ME3: variants seen among roughly 807,000 people sequenced by gnomAD.
ME3 encodes malic enzyme 3, also known as NADP-dependent malic enzyme, mitochondrial.
Under a neutral mutation model 68.9 loss-of-function variants are expected in ME3, and 48 were observed. The ratio of observed to expected loss-of-function variants is 0.70; its 90% confidence interval spans 0.55 to 0.89. ME3 has a LOEUF of 0.89. Among genes scored for constraint, ME3 ranks in the 40% least tolerant of loss-of-function variants. The probability of loss-of-function intolerance (pLI) is 0.00; values close to 1 mark genes in which losing one functional copy is unlikely to be tolerated. For missense variants in ME3, 675 were observed against 797.4 expected (o/e 0.85, Z 1.85); for synonymous variants, 320 against 318.8 (o/e 1.00, Z -0.04).
intron 5 of ME3, among the ~76,000 whole-genome samples, chr11:86,500,633 TTTAA>T (rs1356011111): frequency 6.6e-6 from 1 of 152,288 alleles, no homozygotes; most frequent in East Asian, 2.0e-4. Flanking sequence ...TACTTAACTC[TTTAA>T]TTATCTGAAT....
intron 2 of ME3, among the ~76,000 whole-genome samples, chr11:86,576,161 TG>T (rs1958097394): frequency 6.6e-6 from 1 of 152,230 alleles, no homozygotes; most frequent in Non-Finnish European, 1.5e-5. Flanking sequence ...CATCGTTATT[TG>T]TTCCTTAAAA....
intron 2 of ME3, among the ~76,000 whole-genome samples, chr11:86,594,046 A>G (rs1402248500): frequency 6.8e-6 from 1 of 146,540 alleles, no homozygotes; most frequent in Non-Finnish European, 1.5e-5. Context: ...ACTGGATACC[A>G]TTATAAACTG....
rs148488689 is a variant in ME3 at position 86,494,926 on chromosome 11, A to G, written c.705+3037T>C. Among the ~76,000 whole-genome samples, 827 of 152,350 alleles carry G rather than the reference A, an allele frequency of 5.4e-3. 6 individuals are homozygous for G. Among genetic ancestry groups the G allele is most frequent in the Middle Eastern group, 0.014 (4 of 294 alleles). ...TTATGATTACACCTAGGTAATAACT[A>G]TCTTTATGTATAGGCATAGAAAAAT... is the stretch of plus-strand genomic sequence containing the variant. On this transcript the variant is annotated intron_variant, in intron 6 of 14. Transcript: ENST00000543262.
At chr11:86,509,217 C>G (rs3781806) in intron 4 of ME3, among the ~76,000 whole-genome samples, 15,374 of 151,712 alleles carry the variant, frequency 0.1, 810 homozygotes, top group Middle Eastern at 0.12. Flanking sequence ...GCCTCTTTTC[C>G]AGGTCCCTCC....
chr11:86,506,989 G>A (rs1953126012), intron 5 of ME3, among the ~76,000 whole-genome samples: 1 of 152,204 alleles, frequency 6.6e-6, no homozygotes, highest in Non-Finnish European at 1.5e-5. Context: ...GGAGGGAGAA[G>A]CACAAGGCAA....
At chr11:86,441,792 A>G (rs1949008493) in intron 14 of ME3, among the ~76,000 whole-genome samples, 1 of 152,180 alleles carries the variant, frequency 6.6e-6, no homozygotes, top group East Asian at 1.9e-4. Context: ...GTGTTAAGAT[A>G]AAATTAGACA....
chr11:86,642,375 C>A (rs1944723002), intron 2 of ME3, among the ~76,000 whole-genome samples: 1 of 152,100 alleles, frequency 6.6e-6, no homozygotes. Context: ...TGATCAATGT[C>A]CACAAAATGA....
chr11:86,522,962 G>A (rs371146342), intron 4 of ME3, among the ~76,000 whole-genome samples: 2 of 152,266 alleles, frequency 1.3e-5, no homozygotes. Flanking sequence ...TGGTATCCGG[G>A]GGGAAGGGGG....
At chr11:86,651,561 C>G (rs921302337) in intron 2 of ME3, among the ~76,000 whole-genome samples, 1 of 152,212 alleles carries the variant, frequency 6.6e-6, no homozygotes, top group African/African-American at 2.4e-5. Context: ...AACTAACCAA[C>G]AGAAAGGACA....
chr11:86,519,078 A>AT, intron 4 of ME3, among the ~76,000 whole-genome samples: 1 of 152,352 alleles, frequency 6.6e-6, no homozygotes, highest in Middle Eastern at 3.4e-3. Context: ...AATTTGTAGT[A>AT]TTTTGTTACA....
intron 2 of ME3, among the ~76,000 whole-genome samples, chr11:86,604,980 A>C (rs770203207): frequency 8.5e-5 from 13 of 152,158 alleles, no homozygotes; most frequent in Non-Finnish European, 1.9e-4. Context: ...AAAGAAATGC[A>C]CCACTCATTA....
intron 4 of ME3, among the ~76,000 whole-genome samples, chr11:86,526,334 C>A (rs1281166340): frequency 1.3e-5 from 2 of 152,216 alleles, no homozygotes; most frequent in Admixed American, 1.3e-4. Flanking sequence ...AATGCCCACT[C>A]TTGCTGAGGC....
At chr11:86,451,826 C>T (rs2138635661) in intron 8 of ME3, among the ~76,000 whole-genome samples, 1 of 152,304 alleles carries the variant, frequency 6.6e-6, no homozygotes, top group Non-Finnish European at 1.5e-5. Flanking sequence ...TAATCAAGGA[C>T]TTTAATTCAC....
chr11:86,652,859 G>T (rs1945555310), intron 2 of ME3, among the ~76,000 whole-genome samples: 1 of 151,646 alleles, frequency 6.6e-6, no homozygotes, highest in South Asian at 2.1e-4. Context: ...CATCTCACGT[G>T]CAGAGACACA....
chr11:86,611,216 G>A (rs774176487), intron 2 of ME3, among the ~76,000 whole-genome samples: 2 of 152,106 alleles, frequency 1.3e-5, no homozygotes, highest in South Asian at 2.1e-4. Context: ...ACAGAAAATA[G>A]AATTGTGGTT....
intron 7 of ME3, among the ~76,000 whole-genome samples, chr11:86,486,994 C>T (rs779922934): frequency 5.9e-5 from 9 of 152,212 alleles, no homozygotes; most frequent in Non-Finnish European, 1.0e-4. Flanking sequence ...CACATTTTTC[C>T]TCCATCACTT....
At chr11:86,527,127 G>A (rs974361043) in intron 4 of ME3, among the ~76,000 whole-genome samples, 2 of 152,166 alleles carry the variant, frequency 1.3e-5, no homozygotes, top group Non-Finnish European at 2.9e-5. Context: ...AAAAAGATTA[G>A]ACAAATGGCT....
At chr11:86,669,586 T>C (rs1946794342) in intron 2 of ME3, among the ~76,000 whole-genome samples, 1 of 152,172 alleles carries the variant, frequency 6.6e-6, no homozygotes, top group East Asian at 1.9e-4. Context: ...ACTCATTCAT[T>C]ATCACGAGAA....
intron 2 of ME3, among the ~76,000 whole-genome samples, chr11:86,575,790 C>T (rs1156906827): frequency 2.0e-5 from 3 of 152,116 alleles, no homozygotes; most frequent in Non-Finnish European, 4.4e-5. Flanking sequence ...TTTGCAACCG[C>T]AATACAATGC....
Sources: gnomAD v4.1 joint callset for allele counts (sites outside exome capture counted in the v4.1 genomes callset) on GRCh38, gnomAD v4.1.1 for gene constraint, MANE v1.5 for transcripts, NCBI Gene and HGNC (gene_info 2026-07-23, HGNC 2026-07-21) for gene names.